Variants in TSPAN9 observed in about 807,000 individuals in gnomAD.
TSPAN9 encodes the protein tetraspanin 9.
A neutral mutation model predicts 31.0 loss-of-function variants in TSPAN9; 16 were observed. The observed-to-expected ratio is 0.52, with a 90% CI of 0.35 to 0.78. The LOEUF (loss-of-function observed/expected upper bound fraction) is 0.78, where lower values mean the gene tolerates loss of function less well. Ranked by LOEUF, TSPAN9 falls within the 30% of genes least tolerant of loss-of-function variation. The probability of loss-of-function intolerance (pLI) is 0.01; values close to 1 mark genes in which losing one functional copy is unlikely to be tolerated. For missense variants in TSPAN9, 272 were observed against 312.5 expected, an observed-to-expected ratio of 0.87 and a Z score of 0.98; for synonymous variants, 145 against 121.6, an observed-to-expected ratio of 1.19 and a Z score of -1.27.
At chr12:3,108,420 T>C (rs34868434) in intron 2 of TSPAN9, among the ~76,000 whole-genome samples, 6 of 152,264 alleles carry the variant, frequency 3.9e-5, no homozygotes, top group Admixed American at 3.9e-4. Context: ...AGAAGTCTAA[T>C]GCCATTCCAG....
chr12:3,198,328 G>A (rs1249622487), intron 2 of TSPAN9, among the ~76,000 whole-genome samples: 4 of 109,578 alleles, frequency 3.7e-5, no homozygotes, highest in Non-Finnish European at 7.5e-5. Flanking sequence ...ATCAGCACAG[G>A]CCACCACCAG....
chr12:3,281,806 C>T lies in TSPAN9; in HGVS notation c.637C>T (p.Leu213Phe). Residue 213 changes from leucine to phenylalanine, a missense_variant, in exon 8 of 9, where the codon CTC becomes TTC. Transcript: ENST00000011898. ...GCTGGGCACGGTGGGGATGTGCATC[C>T]TCATCATGCAGGTAAGAGGGGCGTC... ...HVLGTVGMCI[L>F]IMQILGMAFS... 6.2e-7 allele frequency: 1 copy of T among 1,614,106 alleles called. No homozygotes were observed. Among genetic ancestry groups the T allele is most frequent in the Non-Finnish European group, 8.5e-7 (1 of 1,180,004 alleles).
intron 2 of TSPAN9, chr12:3,151,210 A>T (rs938207108): frequency 1.3e-5 from 2 of 152,264 alleles, no homozygotes; most frequent in Admixed American, 6.5e-5. Context: ...GCATGCATGC[A>T]TGTGTATTTG....
rs563013266 is a variant in TSPAN9 at position 3,191,292 on chromosome 12, G to C, written c.-17-9885G>C. Among the ~76,000 whole-genome samples, 13 of 152,248 alleles carry C rather than the reference G, an allele frequency of 8.5e-5. No individual in the cohort carries two copies. The East Asian group carries it at 1.9e-3, about 23-fold the overall frequency. On this transcript the variant is annotated intron_variant, in intron 2 of 8. Coordinates refer to ENST00000011898, the MANE Select transcript of TSPAN9 (RefSeq NM_006675.5). Reference sequence around the variant, plus strand: ...TGTGCTCTGGCCCACCCTCCTTTCAGGCTCCCTTTCTGCAAAGCTTCATTC... The same window carrying C: ...TGTGCTCTGGCCCACCCTCCTTTCACGCTCCCTTTCTGCAAAGCTTCATTC...
At chr12:3,247,789 TC>T (rs1323493849) in intron 3 of TSPAN9, among the ~76,000 whole-genome samples, 5 of 152,162 alleles carry the variant, frequency 3.3e-5, no homozygotes, top group Non-Finnish European at 5.9e-5. Flanking sequence ...GCTTGTGGTT[TC>T]CCTGTCAACA....
At chr12:3,105,032 C>T (rs1455805278) in intron 2 of TSPAN9, among the ~76,000 whole-genome samples, 1 of 152,206 alleles carries the variant, frequency 6.6e-6, no homozygotes, top group African/African-American at 2.4e-5. Flanking sequence ...TGCTTTAACT[C>T]ACTTGTGTGG....
At chr12:3,111,959 A>T (rs2098319000) in intron 2 of TSPAN9, among the ~76,000 whole-genome samples, 1 of 152,128 alleles carries the variant, frequency 6.6e-6, no homozygotes, top group South Asian at 2.1e-4. Flanking sequence ...CACCATGAGG[A>T]GGCTGAGCTG....
In TSPAN9 at chr12:3,280,650, T is replaced by A. The variant is rs1862877042; in HGVS notation, c.432+167T>A. Among the ~76,000 whole-genome samples, 1 of 152,128 alleles carries A rather than the reference T, an allele frequency of 6.6e-6. No homozygotes were observed. Among genetic ancestry groups the A allele is most frequent in the Non-Finnish European group, 1.5e-5 (1 of 68,024 alleles). On this transcript the variant is annotated intron_variant, in intron 6 of 8. Transcript: ENST00000011898. The surrounding 1 kb of genome is among the most constrained non-coding windows in gnomAD (Gnocchi z 4.5). ...TTTGCCTGAACTGCTGAGTCAGATGTGATACAGCAAGGTACAGCCAGGGAG... is the reference window on the plus strand; with the variant it reads ...TTTGCCTGAACTGCTGAGTCAGATGAGATACAGCAAGGTACAGCCAGGGAG...
At chr12:3,102,435 ATTTT>A (rs33918863) in intron 2 of TSPAN9, among the ~76,000 whole-genome samples, 1 of 135,252 alleles carries the variant, frequency 7.4e-6, no homozygotes, top group African/African-American at 2.9e-5. Context: ...CCAAGGAGGA[ATTTT>A]TTTTTTTTTT....
At chr12:3,212,494 C>T (rs2098379260) in intron 3 of TSPAN9, among the ~76,000 whole-genome samples, 1 of 137,474 alleles carries the variant, frequency 7.3e-6, no homozygotes, top group Non-Finnish European at 1.6e-5. Flanking sequence ...CCAGGCTGGT[C>T]TTGAACTCCT....
intron 3 of TSPAN9, among the ~76,000 whole-genome samples, chr12:3,213,052 C>T (rs2098379560): frequency 6.6e-6 from 1 of 152,152 alleles, no homozygotes; most frequent in South Asian, 2.1e-4. Context: ...GGGTGTCAAA[C>T]AGATCTGTGG....
chr12:3,171,938 T>A (rs2098352079), intron 2 of TSPAN9: 1 of 152,142 alleles, frequency 6.6e-6, no homozygotes, highest in African/African-American at 2.4e-5. Context: ...TTCTTTAAAT[T>A]TCCATGGAGG....
chr12:3,182,259 T>C (rs902226006), intron 2 of TSPAN9, among the ~76,000 whole-genome samples: 3 of 151,922 alleles, frequency 2.0e-5, no homozygotes, highest in Non-Finnish European at 4.4e-5. Context: ...CTCTGCTTGA[T>C]GGAATGAAGA....
chr12:3,225,950 C>G (rs2098386953), intron 3 of TSPAN9, among the ~76,000 whole-genome samples: 1 of 152,238 alleles, frequency 6.6e-6, no homozygotes, highest in Non-Finnish European at 1.5e-5. Flanking sequence ...TGGGAGCCAG[C>G]TGGGGACCAT....
intron 2 of TSPAN9, chr12:3,151,222 C>T (rs1447922455): frequency 6.6e-6 from 1 of 152,282 alleles, no homozygotes; most frequent in Non-Finnish European, 1.5e-5. Context: ...GTGTATTTGG[C>T]TTTAAGGGAG....
Position 3,143,905 on chromosome 12 carries a change from C to T in TSPAN9, c.-17-57272C>T, listed in dbSNP as rs1310758177. 6.6e-6 allele frequency among the ~76,000 whole-genome samples: 1 copy of T among 152,144 alleles called. No individual in the cohort carries two copies. The highest frequency in any genetic ancestry group is 1.5e-5 in the Non-Finnish European group (1 of 68,026). ...TTTGCTGGAGCATGGTGTTTAGAAA[C>T]CAAGATCTAGGTGCTAGGTGCGTTC... On this transcript the variant is annotated intron_variant, in intron 2 of 8. Transcript: ENST00000011898. This position sits in a 1 kb window ranked among gnomAD's most constrained non-coding sequence, Gnocchi z 4.2.
rs564480040 is a variant in TSPAN9, at chr12:3,220,603, G to A, written c.63+19347G>A. ...GGAGGCATGGGAGAGGTCTGCAGAGGAATCCGATGTTGATATGTTTTCCTG... is the reference window on the plus strand; with the variant it reads ...GGAGGCATGGGAGAGGTCTGCAGAGAAATCCGATGTTGATATGTTTTCCTG... On this transcript the variant is annotated intron_variant, in intron 3 of 8. Coordinates refer to ENST00000011898, the MANE Select transcript of TSPAN9 (RefSeq NM_006675.5). Among the ~76,000 whole-genome samples the A allele has an allele frequency of 9.2e-5, 14 of 152,372 alleles. 1 individual carries two copies. The South Asian group carries it at 2.9e-3, about 32-fold the overall frequency.
intron 2 of TSPAN9, among the ~76,000 whole-genome samples, chr12:3,128,432 C>G (rs1226660166): frequency 1.3e-5 from 2 of 152,184 alleles, no homozygotes. Flanking sequence ...GGGGGCCTTA[C>G]ACACAAAAGG....
At chr12:3,247,430 A>AGGC (rs1862159902) in intron 3 of TSPAN9, among the ~76,000 whole-genome samples, 2 of 151,924 alleles carry the variant, frequency 1.3e-5, no homozygotes, top group African/African-American at 4.8e-5. Flanking sequence ...CTTTGACTCT[A>AGGC]AGTCTTCAGG....
Sources: allele counts gnomAD v4.1 joint callset (sites outside exome capture counted in the v4.1 genomes callset), GRCh38; gene constraint gnomAD v4.1.1; non-coding constraint Gnocchi (gnomAD v3.1); transcripts MANE v1.5; gene names NCBI Gene and HGNC (gene_info 2026-07-23, HGNC 2026-07-21).